Variants in ZDHHC15 observed in about 807,000 individuals in gnomAD.
ZDHHC15 encodes the protein palmitoyltransferase ZDHHC15.
ZDHHC15 carries 19 observed loss-of-function variants against 31.7 expected under a neutral mutation model. That is an observed-to-expected ratio of 0.60 (90% CI 0.42 to 0.88). ZDHHC15 has a LOEUF of 0.88. Among genes scored for constraint, ZDHHC15 ranks in the 40% least tolerant of loss-of-function variants. The pLI is 0.00. For synonymous variants in ZDHHC15, 103 were observed against 90.0 expected, an observed-to-expected ratio of 1.14 and a Z score of -0.82; for missense variants, 209 against 251.2, an observed-to-expected ratio of 0.83 and a Z score of 1.14.
intron 10 of ZDHHC15, among the ~76,000 whole-genome samples, chrX:75,383,402 A>G (rs968375982): frequency 9.0e-6 from 1 of 111,614 alleles, no homozygotes; most frequent in African/African-American, 3.3e-5. Context: ...CAAATTCTTT[A>G]CTTGAGCCAG....
chrX:75,378,281 A>G (rs2083079969), intron 11 of ZDHHC15, among the ~76,000 whole-genome samples: 1 of 112,080 alleles, frequency 8.9e-6, no homozygotes, highest in African/African-American at 3.2e-5. Context: ...GGGAATAGTA[A>G]CATTCATCTT....
chrX:75,489,800 AG>A (rs767686960), intron 2 of ZDHHC15, among the ~76,000 whole-genome samples: 1 of 112,128 alleles, frequency 8.9e-6, no homozygotes, highest in South Asian at 3.7e-4. Flanking sequence ...TCCGAGCTAA[AG>A]GAGGAAGTTC....
chrX:75,466,600 T>C (rs754735206), intron 3 of ZDHHC15, among the ~76,000 whole-genome samples: 1 of 111,694 alleles, frequency 9.0e-6, no homozygotes, highest in East Asian at 2.8e-4. Flanking sequence ...ATGCATATGT[T>C]CATTGCAGCA....
At chrX:75,477,872 A>G (rs1194551522) in intron 3 of ZDHHC15, among the ~76,000 whole-genome samples, 1 of 112,027 alleles carries the variant, frequency 8.9e-6, no homozygotes, top group Non-Finnish European at 1.9e-5. Flanking sequence ...ATTACTTATT[A>G]TGAATAACTT....
At chrX:75,425,942 T>A (rs1234375077) in intron 7 of ZDHHC15, among the ~76,000 whole-genome samples, 1 of 111,670 alleles carries the variant, frequency 9.0e-6, no homozygotes, top group East Asian at 2.8e-4. Flanking sequence ...GCCAGTCAGA[T>A]GCTGTCAGCT....
intron 4 of ZDHHC15, among the ~76,000 whole-genome samples, chrX:75,437,854 A>G (rs911471033): frequency 4.5e-5 from 5 of 111,386 alleles, no homozygotes; most frequent in African/African-American, 1.3e-4. Context: ...TCTCTGAGGA[A>G]TCACCACACT....
rs199542638 is a variant in ZDHHC15 at position 75,429,984 on chromosome X, C to G, written c.450-4G>C. On this transcript the variant is annotated splice_region_variant and splice_polypyrimidine_tract_variant and intron_variant, in intron 5 of 11. Coordinates refer to ENST00000373367, the MANE Select transcript of ZDHHC15 (RefSeq NM_144969.3). The stretch of plus-strand genomic sequence containing the variant: ...ATGATCCATTTTTAACACACACCTA[C>G]GAAGGGGACAAAATACAGTGTGATA... The G allele has an allele frequency of 4.1e-6, 5 of 1,206,833 alleles. No individual in the cohort carries two copies. Among genetic ancestry groups the G allele is most frequent in the Non-Finnish European group, 5.6e-6 (5 of 892,622 alleles).
At chrX:75,495,437 A>G (rs1465521204) in intron 2 of ZDHHC15, among the ~76,000 whole-genome samples, 1 of 111,333 alleles carries the variant, frequency 9.0e-6, no homozygotes, top group African/African-American at 3.3e-5. Flanking sequence ...CTGGGTATAT[A>G]CCCACAGGAT....
chrX:75,453,935 C>A (rs993215044), intron 3 of ZDHHC15, among the ~76,000 whole-genome samples: 1 of 111,514 alleles, frequency 9.0e-6, no homozygotes, highest in African/African-American at 3.3e-5. Context: ...CAGTATCATA[C>A]TGAATGGGCA....
chrX:75,457,562 C>A (rs1429040869), intron 3 of ZDHHC15, among the ~76,000 whole-genome samples: 1 of 108,768 alleles, frequency 9.2e-6, no homozygotes, highest in Non-Finnish European at 1.9e-5. Flanking sequence ...ATGACCCCAG[C>A]AATTTTATTC....
At chrX:75,499,072 G>T (rs900024388) in intron 2 of ZDHHC15, among the ~76,000 whole-genome samples, 1 of 111,444 alleles carries the variant, frequency 9.0e-6, no homozygotes, top group Non-Finnish European at 1.9e-5. Context: ...GGGATAGTTG[G>T]CAAGCCATAT....
Position 75,463,979 on chromosome X carries a change from C to T in ZDHHC15, c.259-13057G>A, listed in dbSNP as rs184758715. On this transcript the variant is annotated intron_variant, in intron 3 of 11. Coordinates refer to ENST00000373367, the MANE Select transcript of ZDHHC15 (RefSeq NM_144969.3). ...TAAATCATGCTGCTATAAAGACACA[C>T]GCACGCGTATGTTTATTGCGGCACT... Among the ~76,000 whole-genome samples, 783 of 111,686 alleles carry T rather than the reference C, an allele frequency of 7.0e-3. 6 individuals carry two copies. The highest frequency in any genetic ancestry group is 0.018 in the Middle Eastern group (4 of 218).
chrX:75,477,304 C>T (rs941049358), intron 3 of ZDHHC15, among the ~76,000 whole-genome samples: 11 of 111,258 alleles, frequency 9.9e-5, no homozygotes, highest in Admixed American at 2.9e-4. Flanking sequence ...AAATGTTCTG[C>T]GTACACTTAG....
At chrX:75,465,411 C>T (rs2084387299) in intron 3 of ZDHHC15, among the ~76,000 whole-genome samples, 1 of 111,537 alleles carries the variant, frequency 9.0e-6, no homozygotes, top group Non-Finnish European at 1.9e-5. Context: ...AATGCTATTC[C>T]CATTAAACTA....
chrX:75,470,032 T>C (rs769474285), intron 3 of ZDHHC15, among the ~76,000 whole-genome samples: 45 of 111,574 alleles, frequency 4.0e-4, no homozygotes, highest in Non-Finnish European at 7.7e-4. Context: ...ATGGTTAATA[T>C]TGAGTGTCAC....
chrX:75,455,177 C>T (rs761060169), intron 3 of ZDHHC15, among the ~76,000 whole-genome samples: 13 of 111,139 alleles, frequency 1.2e-4, no homozygotes, highest in Non-Finnish European at 2.3e-4. Context: ...GAGATATAGC[C>T]CAATGGAACA....
At chrX:75,478,754 A>G in intron 3 of ZDHHC15, 137 bp downstream of exon 3, 1 of 463,964 alleles carries the variant, frequency 2.2e-6, no homozygotes, top group Non-Finnish European at 3.6e-6. Context: ...CCCTCAATTC[A>G]CCTTTATCAC....
intron 10 of ZDHHC15, among the ~76,000 whole-genome samples, chrX:75,395,708 A>G (rs944338427): frequency 2.7e-5 from 3 of 111,826 alleles, no homozygotes; most frequent in African/African-American, 9.8e-5. Context: ...ATTTATATGG[A>G]ACCACAAAAG....
intron 2 of ZDHHC15, 90 bp downstream of exon 2, chrX:75,505,731 A>ATTGCT: frequency 9.6e-7 from 1 of 1,043,145 alleles, no homozygotes; most frequent in Non-Finnish European, 1.3e-6. Context: ...TTCTGGGAAA[A>ATTGCT]TTGCTCGGTC....
Sources: allele counts gnomAD v4.1 joint callset (sites outside exome capture counted in the v4.1 genomes callset), GRCh38; gene constraint gnomAD v4.1.1; transcripts MANE v1.5; gene names NCBI Gene and HGNC (gene_info 2026-07-23, HGNC 2026-07-21).